Variants in SLC12A1 observed in about 807,000 individuals in gnomAD.
SLC12A1 encodes the protein solute carrier family 12 member 1, also known as Na-K-2Cl cotransporter.
A neutral mutation model predicts 130.4 loss-of-function variants in SLC12A1; 89 were observed. The observed-to-expected ratio is 0.68, with a 90% CI of 0.58 to 0.81. SLC12A1 has a LOEUF of 0.81. SLC12A1 is among the 40% of genes least tolerant of loss of function. The probability of loss-of-function intolerance (pLI) is 0.00; values close to 1 mark genes in which losing one functional copy is unlikely to be tolerated. For missense variants in SLC12A1, 1,310 were observed against 1,336.4 expected (o/e 0.98, Z 0.31); for synonymous variants, 499 against 460.0 (o/e 1.08, Z -1.09).
chr15:48,271,036 C>T (rs1293815021), intron 19 of SLC12A1, among the ~76,000 whole-genome samples: 2 of 150,722 alleles, frequency 1.3e-5, no homozygotes, highest in Non-Finnish European at 3.0e-5. Flanking sequence ...CCAGCCTGGC[C>T]AACATGGTGA....
intron 2 of SLC12A1, among the ~76,000 whole-genome samples, chr15:48,214,103 A>C (rs2041089438): frequency 6.6e-6 from 1 of 152,156 alleles, no homozygotes; most frequent in South Asian, 2.1e-4. Context: ...TAGACATTAA[A>C]ATTGAAGCAA....
chr15:48,273,680 T>G (rs1407954389), intron 19 of SLC12A1, among the ~76,000 whole-genome samples: 1 of 152,202 alleles, frequency 6.6e-6, no homozygotes, highest in Non-Finnish European at 1.5e-5. Flanking sequence ...TGGTTTGGAT[T>G]TTGAGTGGAT....
At chr15:48,301,019 G>A (rs2042226526) in intron 25 of SLC12A1, among the ~76,000 whole-genome samples, 1 of 152,106 alleles carries the variant, frequency 6.6e-6, no homozygotes, top group Non-Finnish European at 1.5e-5. Flanking sequence ...AAGAGGCCAG[G>A]GTAGGAGAAA....
At chr15:48,289,185 T>A (rs777776593) in intron 23 of SLC12A1, among the ~76,000 whole-genome samples, 7 of 151,374 alleles carry the variant, frequency 4.6e-5, no homozygotes, top group Non-Finnish European at 7.4e-5. Context: ...ATAATAAGCA[T>A]GCTGAGAACA....
chr15:48,238,832 C>T (rs567110457), intron 9 of SLC12A1, among the ~76,000 whole-genome samples: 1 of 152,118 alleles, frequency 6.6e-6, no homozygotes, highest in Non-Finnish European at 1.5e-5. Flanking sequence ...AGTTCCCATC[C>T]AGAACCTTAC....
intron 17 of SLC12A1, among the ~76,000 whole-genome samples, chr15:48,264,316 G>A (rs1157600328): frequency 1.3e-5 from 2 of 151,758 alleles, no homozygotes; most frequent in African/African-American, 4.8e-5. Flanking sequence ...GAAAACCTAA[G>A]GCTCTCTTTG....
intron 17 of SLC12A1, among the ~76,000 whole-genome samples, chr15:48,264,641 T>C (rs890651426): frequency 6.6e-6 from 1 of 152,116 alleles, no homozygotes; most frequent in African/African-American, 2.4e-5. Flanking sequence ...TAAGATAATA[T>C]GGACCAAATC....
At chr15:48,281,995 C>T (rs1811574186) in intron 20 of SLC12A1, among the ~76,000 whole-genome samples, 1 of 152,138 alleles carries the variant, frequency 6.6e-6, no homozygotes, top group Non-Finnish European at 1.5e-5. Flanking sequence ...TTCAGAAGAA[C>T]AGATAATCAA....
intron 26 of SLC12A1, 148 bp from the exon 27 acceptor site, chr15:48,302,602 G>A (rs1402220678): frequency 2.5e-6 from 1 of 405,062 alleles, no homozygotes; most frequent in East Asian, 4.3e-5. Flanking sequence ...AGTCCGGCCT[G>A]GGCGACAGAG....
chr15:48,216,793 GA>G (rs1249284886), intron 2 of SLC12A1, among the ~76,000 whole-genome samples: 1 of 152,042 alleles, frequency 6.6e-6, no homozygotes, highest in African/African-American at 2.4e-5. Flanking sequence ...TTTCAGTTAT[GA>G]AAAAAATGAA....
At chr15:48,241,423 C>CCTAAAAAT in intron 9 of SLC12A1, 92 bp from the exon 10 acceptor site, 1 of 1,037,568 alleles carries the variant, frequency 9.6e-7, no homozygotes, top group Admixed American at 1.7e-5. Flanking sequence ...GGAAGGGTAG[C>CCTAAAAAT]CTAAAAATCT....
At chr15:48,301,911 G>T (rs993276201) in intron 26 of SLC12A1, among the ~76,000 whole-genome samples, 1 of 152,164 alleles carries the variant, frequency 6.6e-6, no homozygotes, top group Non-Finnish European at 1.5e-5. Flanking sequence ...TTACTTAAAG[G>T]TTGGTATTTA....
chr15:48,298,170 C>T (rs1046707949), intron 24 of SLC12A1, among the ~76,000 whole-genome samples: 8 of 152,172 alleles, frequency 5.3e-5, no homozygotes, highest in African/African-American at 1.9e-4. Flanking sequence ...CTTGACTTAA[C>T]AGCATATCAA....
In SLC12A1 at chr15:48,258,030, G is replaced by C. The variant is rs544396780; in HGVS notation, c.2043-1170G>C. On this transcript the variant is annotated intron_variant, in intron 16 of 26. Transcript: ENST00000380993. ...GTTCAAAGTTTCACAGATTTCTAGG[G>C]CAGAGGCAAAATGCTGCCAGTCTCT... Among the ~76,000 whole-genome samples, 14 of 152,190 alleles carry C rather than the reference G, an allele frequency of 9.2e-5. No individual in the cohort carries two copies. In the South Asian group the frequency reaches 2.9e-3, roughly 32 times the overall value.
Position 48,251,700 on chromosome 15 carries a change from C to T in SLC12A1, c.1872C>T (p.Asn624=). The T allele has an allele frequency of 6.2e-7, 1 of 1,613,630 alleles. No individual in the cohort carries two copies. Among genetic ancestry groups the T allele is most frequent in the Non-Finnish European group, 8.5e-7 (1 of 1,179,568 alleles). Residue 624 remains asparagine (N), a synonymous_variant, in exon 15 of 27, where the codon AAC becomes AAT. Coordinates refer to ENST00000380993, the MANE Select transcript of SLC12A1 (RefSeq NM_000338.3). ...GCTGTGCAGTCATGTTTGTCATCAA[C>T]TGGTGGGCAGCTGTCATCACCTATG... is the stretch of plus-strand genomic sequence containing the variant. The part of the protein sequence containing the change: ...VLCCAVMFVI[N]WWAAVITYVI...
At chr15:48,251,913 C>G (rs766061290) in intron 15 of SLC12A1, 143 bp downstream of exon 15, 146 of 721,758 alleles carry the variant, frequency 2.0e-4, no homozygotes, top group Non-Finnish European at 3.1e-4. Context: ...ATAATAGTAA[C>G]AATAGTTGGG....
chr15:48,235,352 A>AC, intron 9 of SLC12A1: 1 of 301,372 alleles, frequency 3.3e-6, no homozygotes, highest in Non-Finnish European at 6.3e-6. Flanking sequence ...AAGTAAAAAA[A>AC]AAACAAAACA....
Position 48,230,286 on chromosome 15 carries a change from T to C in SLC12A1, c.865-107T>C, listed in dbSNP as rs1023638934. On this transcript the variant is annotated intron_variant, in intron 6 of 26. Transcript: ENST00000380993. ...TACTCCATTTTTCTATTATCCTATA[T>C]GGCCCCAGGTGTAATTGTATAGTAT... 6 of 667,414 alleles carry C rather than the reference T, an allele frequency of 9.0e-6. No homozygotes were observed. The African/African-American group carries it at 1.1e-4, about 12-fold the overall frequency. 41.3% of individuals were successfully genotyped at this position (667,414 alleles called of 1,614,324 possible). A position where few individuals can be genotyped will look rare whatever the true frequency, so the allele number is the denominator to read the frequency against.
At chr15:48,251,569 G>A in intron 14 of SLC12A1, 46 bp from the exon 15 acceptor site, 1 of 1,497,506 alleles carries the variant, frequency 6.7e-7, no homozygotes, top group Non-Finnish European at 9.3e-7. Context: ...TCAGTGCCAT[G>A]ATCATAGTAG....
Sources: gnomAD v4.1 joint callset for allele counts (sites outside exome capture counted in the v4.1 genomes callset) on GRCh38, gnomAD v4.1.1 for gene constraint, MANE v1.5 for transcripts, NCBI Gene and HGNC (gene_info 2026-07-23, HGNC 2026-07-21) for gene names.